Variants in PXK observed in about 807,000 individuals in gnomAD.
PXK encodes the protein PX domain containing serine/threonine kinase like.
Under a neutral mutation model 84.7 loss-of-function variants are expected in PXK, and 35 were observed. That is an observed-to-expected ratio of 0.41 (90% CI 0.32 to 0.55). The LOEUF is 0.55. Ranked by LOEUF, PXK falls within the 20% of genes least tolerant of loss-of-function variation. PXK has a pLI of 0.21. For missense variants in PXK, 634 were observed against 699.7 expected, an observed-to-expected ratio of 0.91 and a Z score of 1.06; for synonymous variants, 253 against 260.8, an observed-to-expected ratio of 0.97 and a Z score of 0.29.
chr3:58,349,698 T>C (rs767960774), intron 1 of PXK, among the ~76,000 whole-genome samples: 28 of 152,168 alleles, frequency 1.8e-4, no homozygotes, highest in Non-Finnish European at 3.2e-4. Context: ...AAATAAACAG[T>C]CTGTAACTGC....
rs887742615 is a variant in PXK, at chr3:58,414,093, C to G, written c.1528+1130C>G. 3 of 152,126 alleles carry G rather than the reference C, an allele frequency of 2.0e-5. No individual in the cohort carries two copies. In the East Asian group the frequency reaches 5.8e-4, roughly 29 times the overall value. The allele number at this position is 152,126 out of a possible 1,614,324, so 9.4% of individuals were successfully genotyped here. A position where few individuals can be genotyped will look rare whatever the true frequency, so the allele number is the denominator to read the frequency against. ...TCAGCAGATTTCCCAAGAAAGCCCC[C>G]AAATGTTGATCAAGACAGAAAATAG... On this transcript the variant is annotated intron_variant, in intron 17 of 17. Coordinates refer to ENST00000356151, the MANE Select transcript of PXK (RefSeq NM_017771.5). The surrounding 1 kb of genome is among the most constrained non-coding windows in gnomAD (Gnocchi z 4.5).
chr3:58,348,167 C>A (rs2107935170), intron 1 of PXK, among the ~76,000 whole-genome samples: 1 of 152,296 alleles, frequency 6.6e-6, no homozygotes, highest in Non-Finnish European at 1.5e-5. Flanking sequence ...CCTCTGCCTT[C>A]CAAAGTGCTG....
In PXK at chr3:58,397,568, G is replaced by A. The variant is rs1481595276; in HGVS notation, c.985-37G>A. The A allele has an allele frequency of 2.6e-6, 4 of 1,560,970 alleles. No individual in the cohort carries two copies. The Admixed American group carries it at 5.0e-5, about 20-fold the overall frequency. ...GAGCGCGAGGGTCCACAAAGCCAAAGTGAAGGGTGAACACGCTGCTACTCT... is the reference window on the plus strand; with the variant it reads ...GAGCGCGAGGGTCCACAAAGCCAAAATGAAGGGTGAACACGCTGCTACTCT... On this transcript the variant is annotated intron_variant, in intron 10 of 17. Coordinates refer to ENST00000356151, the MANE Select transcript of PXK (RefSeq NM_017771.5). The surrounding 1 kb of genome is among the most constrained non-coding windows in gnomAD (Gnocchi z 4.7).
rs1188673183 is a variant in PXK, at chr3:58,364,180, G to A, written c.103-1694G>A. Among the ~76,000 whole-genome samples the A allele has an allele frequency of 6.6e-6, 1 of 152,124 alleles. No homozygotes were observed. The highest frequency in any genetic ancestry group is 1.5e-5 in the Non-Finnish European group (1 of 68,012). ...ATTTTTGAGCCTATGTTTGTGAATG[G>A]TATTGATCTATAGTTCTCTTTTTTG... On this transcript the variant is annotated intron_variant, in intron 1 of 17. Coordinates refer to ENST00000356151, the MANE Select transcript of PXK (RefSeq NM_017771.5). This position sits in a 1 kb window ranked among gnomAD's most constrained non-coding sequence, Gnocchi z 4.3.
Position 58,397,599 on chromosome 3 carries a change from C to T in PXK, c.985-6C>T, listed in dbSNP as rs767862115. 7 of 1,608,766 alleles carry T rather than the reference C, an allele frequency of 4.4e-6. No individual in the cohort carries two copies. The highest frequency in any genetic ancestry group is 3.3e-4 in the Middle Eastern group (2 of 6,058). ...GGTGAACACGCTGCTACTCTTTCTT[C>T]CACAGACATTGGAAAGTGTGGATGT... On this transcript the variant is annotated splice_region_variant and splice_polypyrimidine_tract_variant and intron_variant, in intron 10 of 17. Transcript: ENST00000356151. The surrounding 1 kb of genome is among the most constrained non-coding windows in gnomAD (Gnocchi z 4.7).
chr3:58,391,735 C>G (rs747073792), intron 6 of PXK, 38 bp from the exon 7 acceptor site: 1 of 1,567,582 alleles, frequency 6.4e-7, no homozygotes, highest in African/African-American at 1.4e-5. Context: ...CTTTTGGTGA[C>G]CAAAACAGTA....
In PXK at chr3:58,382,477, A is replaced by C. The variant is rs1423515039; in HGVS notation, c.202-37A>C. ...TTTTTGTGTTGATTCTTATTTGTGG[A>C]TGACATGAGTGTAACTTTTTTTTTT... On this transcript the variant is annotated intron_variant, in intron 3 of 17. Transcript: ENST00000356151. 2.8e-6 allele frequency: 4 copies of C among 1,446,930 alleles called. No homozygotes were observed. The African/African-American group carries it at 4.4e-5, about 16-fold the overall frequency. The allele number at this position is 1,446,930 out of a possible 1,614,324, so 89.6% of individuals were successfully genotyped here. A position where few individuals can be genotyped will look rare whatever the true frequency, so the allele number is the denominator to read the frequency against.
intron 1 of PXK, among the ~76,000 whole-genome samples, chr3:58,355,229 T>C (rs2108178152): frequency 6.6e-6 from 1 of 152,274 alleles, no homozygotes; most frequent in South Asian, 2.1e-4. Context: ...TGTAGGTATC[T>C]TTTCAAGTTC....
intron 1 of PXK, among the ~76,000 whole-genome samples, chr3:58,343,898 A>G (rs2097775500): frequency 6.6e-6 from 1 of 152,174 alleles, no homozygotes; most frequent in African/African-American, 2.4e-5. Flanking sequence ...GCCAAGCTGG[A>G]TATAATTTTC....
intron 3 of PXK, among the ~76,000 whole-genome samples, chr3:58,376,447 A>G (rs548365221): frequency 7.2e-5 from 11 of 152,214 alleles, no homozygotes; most frequent in Admixed American, 3.3e-4. Flanking sequence ...TTAATTAATT[A>G]GCCTATGGTA....
chr3:58,421,267 G>A lies in PXK; in HGVS notation c.1529-3485G>A. 1 of 985,362 alleles carries A rather than the reference G, an allele frequency of 1.0e-6. No individual in the cohort carries two copies. The highest frequency in any genetic ancestry group is 1.2e-6 in the Non-Finnish European group (1 of 829,924). 61.0% of individuals were successfully genotyped at this position (985,362 alleles called of 1,614,324 possible). On this transcript the variant is annotated intron_variant, in intron 17 of 17. Coordinates refer to ENST00000356151, the MANE Select transcript of PXK (RefSeq NM_017771.5). The surrounding 1 kb of genome is among the most constrained non-coding windows in gnomAD (Gnocchi z 5.5). ...GACTGTAGATTACCCACTGCTGGCT[G>A]CTAACATGGGCCTAAGAGTCGGTGG... is the stretch of plus-strand genomic sequence containing the variant.
chr3:58,370,933 G>A lies in PXK; in HGVS notation c.201+1455G>A, dbSNP rs1055017759. On this transcript the variant is annotated intron_variant, in intron 3 of 17. Coordinates refer to ENST00000356151, the MANE Select transcript of PXK (RefSeq NM_017771.5). This position sits in a 1 kb window ranked among gnomAD's most constrained non-coding sequence, Gnocchi z 4.2. ...GAACCGCCTGAACCCAGGAGGGGGAGGTTGCAGTGAGCCAAGAATGCACCA... is the reference window on the plus strand; with the variant it reads ...GAACCGCCTGAACCCAGGAGGGGGAAGTTGCAGTGAGCCAAGAATGCACCA... Among the ~76,000 whole-genome samples the A allele has an allele frequency of 3.9e-5, 6 of 152,206 alleles. No homozygotes were observed. Among genetic ancestry groups the A allele is most frequent in the South Asian group, 2.1e-4 (1 of 4,832 alleles).
Position 58,391,137 on chromosome 3 carries a change from T to C in PXK, c.467-10T>C. The C allele has an allele frequency of 6.2e-7, 1 of 1,609,940 alleles. No homozygotes were observed. Among genetic ancestry groups the C allele is most frequent in the East Asian group, 2.2e-5 (1 of 44,820 alleles). On this transcript the variant is annotated splice_polypyrimidine_tract_variant and intron_variant, in intron 5 of 17. Coordinates refer to ENST00000356151, the MANE Select transcript of PXK (RefSeq NM_017771.5). ...GTGCAGCTCTAAGCACATTTTTGCT[T>C]TTATGGCAGGTTGGAGAATAAGGAA...
chr3:58,346,857 G>C (rs1000888711), intron 1 of PXK, among the ~76,000 whole-genome samples: 1 of 149,852 alleles, frequency 6.7e-6, no homozygotes, highest in Non-Finnish European at 1.5e-5. Context: ...TGGGGTGGGG[G>C]GCACGGAGTC....
rs975447929 is a variant in PXK, at chr3:58,409,582, G to A, written c.1359G>A (p.Glu453=). The A allele has an allele frequency of 1.2e-6, 2 of 1,612,800 alleles. No individual in the cohort carries two copies. Among genetic ancestry groups the A allele is most frequent in the Non-Finnish European group, 1.7e-6 (2 of 1,179,704 alleles). ...GAGCTCAGTCCCACCATGGATCTGA[G>A]GAGGAAAGAAAAAAAAGAAAGATTT... The part of the protein sequence containing the change: ...LTRAQSHHGS[E]EERKKRKILA... The change falls in exon 15 of 18, where the codon GAG becomes GAA. Residue 453 remains glutamate (E), a synonymous_variant. Transcript: ENST00000356151. The surrounding 1 kb of genome is among the most constrained non-coding windows in gnomAD (Gnocchi z 4.2).
At chr3:58,393,133 G>T (rs764029802) in intron 7 of PXK, among the ~76,000 whole-genome samples, 1 of 152,074 alleles carries the variant, frequency 6.6e-6, no homozygotes, top group Non-Finnish European at 1.5e-5. Flanking sequence ...TGGATCACAA[G>T]GTCAGGAGAT....
intron 1 of PXK, among the ~76,000 whole-genome samples, chr3:58,334,484 A>T (rs377411075): frequency 2.0e-5 from 3 of 152,212 alleles, no homozygotes; most frequent in African/African-American, 7.2e-5. Context: ...TGACTTGACT[A>T]TTGGCAAGTA....
In PXK at chr3:58,412,872, C is replaced by T. The variant is rs368029898; in HGVS notation, c.1466-29C>T. On this transcript the variant is annotated intron_variant, in intron 16 of 17. Coordinates refer to ENST00000356151, the MANE Select transcript of PXK (RefSeq NM_017771.5). The surrounding 1 kb of genome is among the most constrained non-coding windows in gnomAD (Gnocchi z 6.2). ...ATTCCAAATGTCTTTCGTTGGTCCC[C>T]ATGAGGGTTTCTCTGTGTTTTATCT... 7 of 1,612,912 alleles carry T rather than the reference C, an allele frequency of 4.3e-6. No individual in the cohort carries two copies. Among genetic ancestry groups the T allele is most frequent in the Non-Finnish European group, 5.9e-6 (7 of 1,178,996 alleles).
At chr3:58,357,536 A>G (rs1575933970) in intron 1 of PXK, among the ~76,000 whole-genome samples, 1 of 152,368 alleles carries the variant, frequency 6.6e-6, no homozygotes, top group South Asian at 2.1e-4. Context: ...TATAAAAAGC[A>G]GTAGGTTTAT....
Sources: gnomAD v4.1 joint callset for allele counts (sites outside exome capture counted in the v4.1 genomes callset) on GRCh38, gnomAD v4.1.1 for gene constraint, Gnocchi (gnomAD v3.1) non-coding constraint, MANE v1.5 for transcripts, NCBI Gene and HGNC (gene_info 2026-07-23, HGNC 2026-07-21) for gene names.